THAP4: variants seen among roughly 807,000 people sequenced by gnomAD.
THAP4 encodes peroxynitrite isomerase THAP4.
A neutral mutation model predicts 48.1 loss-of-function variants in THAP4; 18 were observed. The ratio of observed to expected loss-of-function variants is 0.37; its 90% CI spans 0.26 to 0.56. THAP4 has a LOEUF of 0.56. Among genes scored for constraint, THAP4 ranks in the 20% least tolerant of loss-of-function variants. The pLI is 0.78. For missense variants in THAP4, 656 were observed against 774.9 expected, an observed-to-expected ratio of 0.85 and a Z score of 1.82; for synonymous variants, 345 against 324.9, an observed-to-expected ratio of 1.06 and a Z score of -0.66.
intron 5 of THAP4, among the ~76,000 whole-genome samples, chr2:241,590,438 C>T (rs1171626991): frequency 5.3e-5 from 8 of 149,744 alleles, no homozygotes; most frequent in Non-Finnish European, 1.2e-4. Context: ...CACTAGGACA[C>T]GCAGAGCTGC....
At chr2:241,626,539 T>C (rs988659492) in intron 2 of THAP4, among the ~76,000 whole-genome samples, 2 of 151,776 alleles carry the variant, frequency 1.3e-5, no homozygotes, top group Admixed American at 6.6e-5. Context: ...AAAAACACTG[T>C]TATTATTTCT....
intron 5 of THAP4, among the ~76,000 whole-genome samples, chr2:241,590,310 G>A (rs1459818124): frequency 1.5e-4 from 22 of 151,602 alleles, no homozygotes; most frequent in Admixed American, 6.6e-5. Flanking sequence ...ATGATGAGGG[G>A]CACTAGGACA....
At chr2:241,599,373 C>T (rs2067086046) in intron 5 of THAP4, among the ~76,000 whole-genome samples, 1 of 152,132 alleles carries the variant, frequency 6.6e-6, no homozygotes, top group Admixed American at 6.6e-5. Flanking sequence ...CAAACATTCA[C>T]GCCTGTTGTT....
chr2:241,631,880 ATGTAT>A (rs1452369321), intron 2 of THAP4, among the ~76,000 whole-genome samples: 1 of 151,720 alleles, frequency 6.6e-6, no homozygotes, highest in Non-Finnish European at 1.5e-5. Context: ...GCAACAGAGA[ATGTAT>A]TGTATTTCTT....
Position 241,616,910 on chromosome 2 carries a change from G to T in THAP4, c.1241-10437C>A, listed in dbSNP as rs922957036. Among the ~76,000 whole-genome samples, 4 of 152,074 alleles carry T rather than the reference G, an allele frequency of 2.6e-5. No individual in the cohort carries two copies. Among genetic ancestry groups the T allele is most frequent in the Admixed American group, 2.6e-4 (4 of 15,260 alleles). The stretch of plus-strand genomic sequence containing the variant: ...CAGGCAGTAAACAAGCAGCGGCGGC[G>T]CCTCCTTCTGTCTACACTGCACCTC... On this transcript the variant is annotated intron_variant, in intron 2 of 5. Transcript: ENST00000407315. This position sits in a 1 kb window ranked among gnomAD's most constrained non-coding sequence, Gnocchi z 4.6.
chr2:241,637,271 G>C, upstream of THAP4: 1 of 1,095,546 alleles, frequency 9.1e-7, no homozygotes, highest in Non-Finnish European at 1.1e-6. Flanking sequence ...GCCCCTCGCA[G>C]CGTCCGTCGG....
chr2:241,592,909 C>T (rs1157160064), intron 5 of THAP4, among the ~76,000 whole-genome samples: 1 of 152,204 alleles, frequency 6.6e-6, no homozygotes, highest in African/African-American at 2.4e-5. Context: ...TGCTACCTCA[C>T]ACTACAGAGA....
At chr2:241,591,628 G>T (rs2066980172) in intron 5 of THAP4, among the ~76,000 whole-genome samples, 1 of 152,116 alleles carries the variant, frequency 6.6e-6, no homozygotes, top group Non-Finnish European at 1.5e-5. Flanking sequence ...TGAACAGGGG[G>T]GCCGGGCTCT....
At chr2:241,627,663 A>T (rs1233372858) in intron 2 of THAP4, among the ~76,000 whole-genome samples, 2 of 152,178 alleles carry the variant, frequency 1.3e-5, no homozygotes, top group Admixed American at 6.5e-5. Flanking sequence ...GAATGACCCA[A>T]AGAGTCTGTC....
chr2:241,632,854 A>G, intron 2 of THAP4, 63 bp downstream of exon 2: 1 of 1,349,232 alleles, frequency 7.4e-7, no homozygotes, highest in Non-Finnish European at 1.0e-6. Flanking sequence ...GACGCTGGCC[A>G]CCTTGCAGAG....
intron 2 of THAP4, among the ~76,000 whole-genome samples, chr2:241,609,189 G>C (rs1381145591): frequency 1.3e-5 from 2 of 152,242 alleles, no homozygotes; most frequent in African/African-American, 4.8e-5. Context: ...AAAGGACCTA[G>C]CTTCTGGATC....
chr2:241,594,548 G>T, intron 5 of THAP4: 1 of 320,900 alleles, frequency 3.1e-6, no homozygotes, highest in Non-Finnish European at 6.2e-6. Context: ...AATGTGGCAA[G>T]ACCCCATCTC....
At chr2:241,609,365 T>C (rs1471969242) in intron 2 of THAP4, among the ~76,000 whole-genome samples, 1 of 152,226 alleles carries the variant, frequency 6.6e-6, no homozygotes, top group East Asian at 1.9e-4. Flanking sequence ...ACAGCAAAAC[T>C]CAGTCACCTG....
At position 241,632,870 on chromosome 2, in the gene THAP4, C is replaced by T. The variant is rs573722507; in HGVS notation, c.1240+47G>A. 1.6e-4 allele frequency: 236 copies of T among 1,452,738 alleles called. 1 individual carries two copies. In the South Asian group the frequency reaches 3.1e-3, roughly 19 times the overall value. The allele number at this position is 1,452,738 out of a possible 1,614,324, so 90.0% of individuals were successfully genotyped here. ...ACGCTGGCCACCTTGCAGAGAAACCCCTCCTAACGGGAAGGGAACATGGGT... is the reference window on the plus strand; with the variant it reads ...ACGCTGGCCACCTTGCAGAGAAACCTCTCCTAACGGGAAGGGAACATGGGT... On this transcript the variant is annotated intron_variant, in intron 2 of 5. Coordinates refer to ENST00000407315, the MANE Select transcript of THAP4 (RefSeq NM_015963.6).
chr2:241,594,431 A>T (rs917618031), intron 5 of THAP4, among the ~76,000 whole-genome samples: 1 of 152,184 alleles, frequency 6.6e-6, no homozygotes, highest in Non-Finnish European at 1.5e-5. Context: ...AAAAACTACA[A>T]ATAAAGTAGC....
chr2:241,608,944 C>T (rs913983670), intron 2 of THAP4, among the ~76,000 whole-genome samples: 2 of 152,178 alleles, frequency 1.3e-5, no homozygotes, highest in Admixed American at 6.5e-5. Flanking sequence ...GTCCTGGGTA[C>T]GTAGGCCTGG....
intron 2 of THAP4, among the ~76,000 whole-genome samples, chr2:241,614,531 C>T (rs1416579278): frequency 1.3e-5 from 2 of 152,152 alleles, no homozygotes; most frequent in Non-Finnish European, 2.9e-5. Flanking sequence ...AAACAAAATT[C>T]CCAAATAATA....
At chr2:241,584,803 G>T in intron 5 of THAP4, 78 bp from the exon 6 acceptor site, 1 of 1,552,986 alleles carries the variant, frequency 6.4e-7, no homozygotes, top group Non-Finnish European at 8.9e-7. Context: ...CCCACTGCAT[G>T]CCACACACTC....
rs2067684603 is a variant in THAP4 at position 241,637,122 on chromosome 2, TG to T, written c.-106del. 1.0e-6 allele frequency: 1 copy of T among 998,506 alleles called. No homozygotes were observed. Among genetic ancestry groups the T allele is most frequent in the African/African-American group, 1.8e-5 (1 of 56,744 alleles). 61.9% of individuals were successfully genotyped at this position (998,506 alleles called of 1,614,324 possible). On this transcript the variant is annotated 5_prime_UTR_variant, in exon 1 of 6. Coordinates refer to ENST00000407315, the MANE Select transcript of THAP4 (RefSeq NM_015963.6). The stretch of plus-strand genomic sequence containing the variant: ...CGCGGCGGCGACACGGCTCGGGACG[TG>T]GGCCGGCCCGCGGCGTCCGCGCCGT...
Sources: allele counts gnomAD v4.1 joint callset (sites outside exome capture counted in the v4.1 genomes callset), GRCh38; gene constraint gnomAD v4.1.1; non-coding constraint Gnocchi (gnomAD v3.1); transcripts MANE v1.5; gene names NCBI Gene and HGNC (gene_info 2026-07-23, HGNC 2026-07-21).